The following IQCJ variants were observed in gnomAD, a reference collection of about 807,000 sequenced individuals.
IQCJ encodes IQ motif containing J, also known as IQ domain-containing protein J.
A neutral mutation model predicts 11.0 loss-of-function variants in IQCJ; 9 were observed. The ratio of observed to expected loss-of-function variants is 0.82; its 90% CI spans 0.49 to 1.43. IQCJ has a LOEUF of 1.43. Among genes scored for constraint, IQCJ ranks in the 40% most tolerant of loss-of-function variants. The pLI is 0.00. For synonymous variants in IQCJ, 55 were observed against 51.3 expected, an observed-to-expected ratio of 1.07 and a Z score of -0.31; for missense variants, 146 against 133.2, an observed-to-expected ratio of 1.10 and a Z score of -0.47.
At chr3:159,109,527 T>TAAAAAAAAAAAAA (rs3051445) in intron 1 of IQCJ, among the ~76,000 whole-genome samples, 1 of 122,702 alleles carries the variant, frequency 8.1e-6, no homozygotes, top group Non-Finnish European at 1.7e-5. Flanking sequence ...TTGTATTAAC[T>TAAAAAAAAAAAAA]AAAAAAAAAA....
At chr3:159,078,108 G>A (rs1350647088) in intron 1 of IQCJ, among the ~76,000 whole-genome samples, 2 of 80,402 alleles carry the variant, frequency 2.5e-5, no homozygotes, top group Non-Finnish European at 8.0e-5. Context: ...AAAAATTCAT[G>A]CACTTAGAGA....
chr3:159,078,601 C>G (rs1392289545), intron 1 of IQCJ, among the ~76,000 whole-genome samples: 1 of 146,314 alleles, frequency 6.8e-6, no homozygotes, highest in Non-Finnish European at 1.5e-5. Context: ...ACAGAAGAAT[C>G]ACTCCTATGG....
intron 2 of IQCJ, among the ~76,000 whole-genome samples, chr3:159,250,506 A>G (rs557746644): frequency 3.3e-5 from 5 of 152,196 alleles, no homozygotes; most frequent in Non-Finnish European, 7.3e-5. Context: ...TGGGCAATTT[A>G]TAAAGAAAAG....
chr3:159,203,390 A>T (rs985302325), intron 1 of IQCJ, among the ~76,000 whole-genome samples: 22 of 151,214 alleles, frequency 1.5e-4, no homozygotes, highest in African/African-American at 5.4e-4. Context: ...TGGGGGCTGG[A>T]TATTCTGGGT....
At chr3:159,201,980 C>A (rs1724375456) in intron 1 of IQCJ, among the ~76,000 whole-genome samples, 1 of 152,156 alleles carries the variant, frequency 6.6e-6, no homozygotes, top group Admixed American at 6.5e-5. Context: ...ATATACTACA[C>A]TGGAAGACAG....
chr3:159,109,055 AT>A (rs1718450285), intron 1 of IQCJ, among the ~76,000 whole-genome samples: 7 of 152,182 alleles, frequency 4.6e-5, no homozygotes, highest in Admixed American at 4.6e-4. Context: ...ATTGCTCTCA[AT>A]TTACCAATGA....
chr3:159,111,919 T>G (rs1056640644), intron 1 of IQCJ, among the ~76,000 whole-genome samples: 5 of 152,208 alleles, frequency 3.3e-5, no homozygotes, highest in African/African-American at 1.2e-4. Context: ...ATAACATAAT[T>G]TTTGATGTAA....
At chr3:159,255,849 C>G (rs7650928) in intron 3 of IQCJ, among the ~76,000 whole-genome samples, 4,841 of 152,258 alleles carry the variant, frequency 0.032, 234 homozygotes, top group African/African-American at 0.11. Flanking sequence ...CCTCTCAAAT[C>G]AGAAAATTTG....
intron 1 of IQCJ, among the ~76,000 whole-genome samples, chr3:159,180,162 A>G (rs978842222): frequency 6.6e-6 from 1 of 152,240 alleles, no homozygotes; most frequent in Non-Finnish European, 1.5e-5. Flanking sequence ...GCCTATAAAT[A>G]TAAATATGCT....
rs1727232314 is a variant in IQCJ, at chr3:159,245,745, T to C, written c.10-98T>C. 2.9e-6 allele frequency: 3 copies of C among 1,024,314 alleles called. No individual in the cohort carries two copies. The African/African-American group carries it at 4.9e-5, about 17-fold the overall frequency. The allele number at this position is 1,024,314 out of a possible 1,614,324, so 63.5% of individuals were successfully genotyped here. The stretch of plus-strand genomic sequence containing the variant: ...CCAAAGTGCAGTCCAGAACTCTTAA[T>C]GTTGTGTTGTATCAATTTTGCTAAC... On this transcript the variant is annotated intron_variant, in intron 1 of 3. Coordinates refer to ENST00000397832, the MANE Select transcript of IQCJ (RefSeq NM_001042706.3).
chr3:159,095,229 T>A (rs1334434040), intron 1 of IQCJ, among the ~76,000 whole-genome samples: 1 of 151,818 alleles, frequency 6.6e-6, no homozygotes, highest in Non-Finnish European at 1.5e-5. Flanking sequence ...AAGTGAAAAA[T>A]CACAATCTTA....
chr3:159,131,246 A>G (rs539348510), intron 1 of IQCJ, among the ~76,000 whole-genome samples: 1 of 152,122 alleles, frequency 6.6e-6, no homozygotes, highest in Non-Finnish European at 1.5e-5. Context: ...TAAGAATGAC[A>G]TCACACATAA....
chr3:159,162,046 A>C (rs1288561660), intron 1 of IQCJ, among the ~76,000 whole-genome samples: 1 of 152,150 alleles, frequency 6.6e-6, no homozygotes, highest in Admixed American at 6.5e-5. Context: ...ACTTTAAAGA[A>C]GTTTTTTCCA....
intron 1 of IQCJ, among the ~76,000 whole-genome samples, chr3:159,217,558 C>G (rs188822298): frequency 6.6e-6 from 1 of 152,230 alleles, no homozygotes; most frequent in East Asian, 1.9e-4. Flanking sequence ...CAAAATACAA[C>G]CTGCACAGCT....
chr3:159,265,428 A>G, downstream of IQCJ: 1 of 1,570,070 alleles, frequency 6.4e-7, no homozygotes, highest in East Asian at 2.2e-5. Flanking sequence ...TATGGAGGGA[A>G]TAGGATGATC....
chr3:159,096,020 G>A (rs1342104097), intron 1 of IQCJ, among the ~76,000 whole-genome samples: 7 of 61,768 alleles, frequency 1.1e-4, no homozygotes, highest in African/African-American at 4.3e-4. Flanking sequence ...ATCCTCTCCA[G>A]CACCTGTTGT....
intron 1 of IQCJ, among the ~76,000 whole-genome samples, chr3:159,117,122 C>T (rs1418887865): frequency 6.6e-6 from 1 of 152,206 alleles, no homozygotes; most frequent in Admixed American, 6.5e-5. Context: ...TTGCTTTCCC[C>T]TAATTCCTTA....
At chr3:159,193,777 G>A (rs892085243) in intron 1 of IQCJ, among the ~76,000 whole-genome samples, 1 of 152,138 alleles carries the variant, frequency 6.6e-6, no homozygotes, top group Non-Finnish European at 1.5e-5. Flanking sequence ...AGGATCACTG[G>A]TCCTTTTCAC....
chr3:159,229,553 T>G (rs544935617), intron 1 of IQCJ, among the ~76,000 whole-genome samples: 2 of 151,956 alleles, frequency 1.3e-5, no homozygotes, highest in South Asian at 4.2e-4. Context: ...AACACTTGAT[T>G]ACGTTTTTGT....
Sources: gnomAD v4.1 joint callset for allele counts (sites outside exome capture counted in the v4.1 genomes callset) on GRCh38, gnomAD v4.1.1 for gene constraint, MANE v1.5 for transcripts, NCBI Gene and HGNC (gene_info 2026-07-23, HGNC 2026-07-21) for gene names.